The following TAF4B variants were observed in gnomAD, a reference collection of about 807,000 sequenced individuals.
TAF4B encodes the protein TATA-box binding protein associated factor 4b, also known as transcription initiation factor TFIID subunit 4B.
TAF4B carries 38 observed loss-of-function variants against 86.4 expected under a neutral mutation model. The observed-to-expected ratio is 0.44, with a 90% CI of 0.34 to 0.58. The LOEUF (loss-of-function observed/expected upper bound fraction) is 0.58, where lower values mean the gene tolerates loss of function less well. Ranked by LOEUF, TAF4B falls within the 20% of genes least tolerant of loss-of-function variation. The pLI is 0.02. For synonymous variants in TAF4B, 388 were observed against 391.2 expected (o/e 0.99, Z 0.10); for missense variants, 988 against 1,027.6 (o/e 0.96, Z 0.53).
chr18:26,280,908 A>C (rs751733396), intron 5 of TAF4B, among the ~76,000 whole-genome samples: 3 of 152,232 alleles, frequency 2.0e-5, no homozygotes, highest in Non-Finnish European at 4.4e-5. Context: ...AGAGGTGTTA[A>C]TTGACAGTGG....
At chr18:26,280,461 A>G (rs2056434320) in intron 5 of TAF4B, among the ~76,000 whole-genome samples, 2 of 152,172 alleles carry the variant, frequency 1.3e-5, no homozygotes, top group African/African-American at 4.8e-5. Context: ...CTTAAAAATC[A>G]ACAAGAAAAA....
chr18:26,346,871 A>ATGTGTG (rs1567914139), intron 13 of TAF4B, among the ~76,000 whole-genome samples: 6 of 5,210 alleles, frequency 1.2e-3, no homozygotes, highest in African/African-American at 2.2e-3. Context: ...GTATATATAT[A>ATGTGTG]TATGTGTATA....
chr18:26,347,302 A>C (rs2057207513), intron 13 of TAF4B, among the ~76,000 whole-genome samples: 1 of 152,154 alleles, frequency 6.6e-6, no homozygotes, highest in East Asian at 1.9e-4. Flanking sequence ...AATTAAGGGA[A>C]TTCATCACCA....
chr18:26,332,225 GC>G (rs1254825663), intron 12 of TAF4B, among the ~76,000 whole-genome samples: 1 of 152,182 alleles, frequency 6.6e-6, no homozygotes, highest in Non-Finnish European at 1.5e-5. Context: ...CTGACAACCA[GC>G]CCGGCAGCAA....
At position 26,346,813 on chromosome 18, in the gene TAF4B, A is replaced by G. The variant is rs1460486145; in HGVS notation, c.2317-10877A>G. Among the ~76,000 whole-genome samples the G allele has an allele frequency of 6.0e-4, 15 of 24,888 alleles. 1 individual carries two copies. The highest frequency in any genetic ancestry group is 1.4e-3 in the Admixed American group (4 of 2,886). 16.3% of individuals were successfully genotyped at this position (24,888 alleles called of 152,430 possible). ...TATATATATATGTGTATATATATATATATGTGTGTGTATATATATATATGT... is the reference window on the plus strand; with the variant it reads ...TATATATATATGTGTATATATATATGTATGTGTGTGTATATATATATATGT... On this transcript the variant is annotated intron_variant, in intron 13 of 14. Coordinates refer to ENST00000269142, the MANE Select transcript of TAF4B (RefSeq NM_005640.3).
chr18:26,286,329 A>G lies in TAF4B; in HGVS notation c.1420A>G (p.Thr474Ala). The change falls in exon 7 of 15, where the codon ACT becomes GCT. Residue 474 changes from threonine to alanine, a missense_variant. This residue lies in a region of TAF4B where 747 missense variants were observed against 737.9 expected (regional missense o/e 1.01). Transcript: ENST00000269142. ...LSLPAVTFGETSGAAICLPSV... is the reference protein window; with the variant it reads ...LSLPAVTFGEASGAAICLPSV... Reference sequence around the variant, plus strand: ...CCTTCCAGCAGTAACTTTTGGAGAAACTTCAGGTGCAGCTATTTGTCTTCC... The same window carrying G: ...CCTTCCAGCAGTAACTTTTGGAGAAGCTTCAGGTGCAGCTATTTGTCTTCC... The G allele has an allele frequency of 6.2e-7, 1 of 1,614,176 alleles. No homozygotes were observed. Among genetic ancestry groups the G allele is most frequent in the Non-Finnish European group, 8.5e-7 (1 of 1,180,026 alleles).
intron 3 of TAF4B, among the ~76,000 whole-genome samples, chr18:26,269,852 T>G (rs537135886): frequency 6.6e-6 from 1 of 152,214 alleles, no homozygotes; most frequent in Non-Finnish European, 1.5e-5. Context: ...CTCTGGAAAC[T>G]GTTCTTAATG....
chr18:26,241,905 T>C (rs1022222499), intron 1 of TAF4B, among the ~76,000 whole-genome samples: 4 of 152,354 alleles, frequency 2.6e-5, no homozygotes, highest in East Asian at 3.9e-4. Flanking sequence ...TTGAGTGAGT[T>C]TCTTAATCCT....
At chr18:26,334,937 A>G (rs981971249) in intron 12 of TAF4B, among the ~76,000 whole-genome samples, 2 of 152,140 alleles carry the variant, frequency 1.3e-5, no homozygotes, top group South Asian at 2.1e-4. Flanking sequence ...CCTGACTGAC[A>G]TCGTTAGCAT....
intron 14 of TAF4B, among the ~76,000 whole-genome samples, chr18:26,388,978 A>AT (rs1300666719): frequency 1.3e-5 from 2 of 151,894 alleles, no homozygotes; most frequent in Non-Finnish European, 2.9e-5. Context: ...CACCCAGCTA[A>AT]TTTTTTTATT....
chr18:26,320,177 A>C (rs2056950071), intron 10 of TAF4B, among the ~76,000 whole-genome samples: 1 of 152,220 alleles, frequency 6.6e-6, no homozygotes, highest in South Asian at 2.1e-4. Flanking sequence ...ATCAAACTAT[A>C]ATATTTTAAA....
At chr18:26,292,153 T>C in intron 7 of TAF4B, 93 bp from the exon 8 acceptor site, 1 of 1,402,350 alleles carries the variant, frequency 7.1e-7, no homozygotes, top group East Asian at 2.5e-5. Context: ...TATTTATGGC[T>C]GGGGGAACAC....
intron 14 of TAF4B, among the ~76,000 whole-genome samples, chr18:26,372,917 C>T (rs2057416333): frequency 6.7e-6 from 1 of 149,210 alleles, no homozygotes; most frequent in Non-Finnish European, 1.5e-5. Context: ...TGCAGTGAGC[C>T]GAGATCGCAC....
At chr18:26,350,918 G>A (rs2057239869) in intron 13 of TAF4B, among the ~76,000 whole-genome samples, 1 of 152,152 alleles carries the variant, frequency 6.6e-6, no homozygotes, top group Admixed American at 6.5e-5. Flanking sequence ...CTTAAACACT[G>A]TCAGTGAAAA....
chr18:26,279,170 G>GTA (rs2056416996), intron 5 of TAF4B, among the ~76,000 whole-genome samples: 1 of 152,094 alleles, frequency 6.6e-6, no homozygotes, highest in Non-Finnish European at 1.5e-5. Flanking sequence ...AACGACTTTA[G>GTA]TAAAGTTTCA....
At chr18:26,359,153 A>C (rs1203578897) in intron 14 of TAF4B, among the ~76,000 whole-genome samples, 1 of 152,172 alleles carries the variant, frequency 6.6e-6, no homozygotes, top group Non-Finnish European at 1.5e-5. Flanking sequence ...TTATGCCCTT[A>C]ATATTTTCCT....
intron 13 of TAF4B, among the ~76,000 whole-genome samples, chr18:26,350,674 T>G (rs1451219065): frequency 6.6e-6 from 1 of 152,096 alleles, no homozygotes; most frequent in Non-Finnish European, 1.5e-5. Flanking sequence ...AGACCCTGTT[T>G]CTAGAAAAAG....
chr18:26,370,273 T>A (rs2057397760), intron 14 of TAF4B, among the ~76,000 whole-genome samples: 1 of 152,224 alleles, frequency 6.6e-6, no homozygotes. Flanking sequence ...CAAAGTCTGT[T>A]TCCTGCAGGT....
intron 9 of TAF4B, among the ~76,000 whole-genome samples, chr18:26,314,121 C>A (rs559362261): frequency 6.6e-6 from 1 of 152,094 alleles, no homozygotes; most frequent in Non-Finnish European, 1.5e-5. Flanking sequence ...TGCACAGATG[C>A]ATTACCACAG....
Sources: allele counts gnomAD v4.1 joint callset (sites outside exome capture counted in the v4.1 genomes callset), GRCh38; gene constraint gnomAD v4.1.1; regional missense constraint gnomAD v4.1.1; transcripts MANE v1.5; gene names NCBI Gene and HGNC (gene_info 2026-07-23, HGNC 2026-07-21).